SPATS2L: variants seen among roughly 807,000 people sequenced by gnomAD.
SPATS2L encodes SPATS2-like protein.
SPATS2L carries 30 observed loss-of-function variants against 59.6 expected under a neutral mutation model. That is an observed-to-expected ratio of 0.50 (90% CI 0.38 to 0.68). The LOEUF (loss-of-function observed/expected upper bound fraction) is 0.68. Among genes scored for constraint, SPATS2L ranks in the 30% least tolerant of loss-of-function variants. The pLI, the probability that SPATS2L is intolerant of heterozygous loss-of-function variation, is 0.00. For missense variants in SPATS2L, 615 were observed against 700.0 expected (o/e 0.88, Z 1.37); for synonymous variants, 252 against 263.5 (o/e 0.96, Z 0.42).
Position 200,419,288 on chromosome 2 carries a change from A to G in SPATS2L, c.237A>G (p.Gln79=). 1 of 1,595,444 alleles carries G rather than the reference A, an allele frequency of 6.3e-7. No individual in the cohort carries two copies. The highest frequency in any genetic ancestry group is 8.5e-7 in the Non-Finnish European group (1 of 1,170,332). ...AAAGAAGCAAGTCCAAGCAGCATCA[A>G]GGCAACAAAGATGCTAAAGACAAGG... ...KRKRSKSKQH[Q]GNKDAKDKVE... is the part of the protein sequence containing the mutation. The change falls in exon 6 of 13, where the codon CAA becomes CAG. Residue 79 remains glutamine (Q), a synonymous_variant. Transcript: ENST00000409140.
chr2:200,402,583 G>C (rs1230637568), intron 3 of SPATS2L, among the ~76,000 whole-genome samples: 3 of 152,114 alleles, frequency 2.0e-5, no homozygotes, highest in East Asian at 3.9e-4. Flanking sequence ...TCTAGACTAG[G>C]ACAGGTCCCC....
intron 8 of SPATS2L, among the ~76,000 whole-genome samples, chr2:200,444,628 T>C (rs1174516712): frequency 6.6e-6 from 1 of 152,096 alleles, no homozygotes; most frequent in Non-Finnish European, 1.5e-5. Context: ...GCCAGAAATG[T>C]TCCTATACTT....
chr2:200,342,551 C>T (rs1298173538), intron 2 of SPATS2L, among the ~76,000 whole-genome samples: 1 of 152,230 alleles, frequency 6.6e-6, no homozygotes, highest in Admixed American at 6.5e-5. Context: ...TATGTTCACA[C>T]AAGTCAGGTT....
At chr2:200,434,226 A>G (rs1346952000) in intron 6 of SPATS2L, among the ~76,000 whole-genome samples, 1 of 152,040 alleles carries the variant, frequency 6.6e-6, no homozygotes, top group African/African-American at 2.4e-5. Flanking sequence ...TAAAAAATTC[A>G]CTTGACAAAA....
intron 2 of SPATS2L, among the ~76,000 whole-genome samples, chr2:200,354,270 G>C (rs1367847682): frequency 6.6e-6 from 1 of 152,112 alleles, no homozygotes; most frequent in Admixed American, 6.5e-5. Context: ...TGTGATCCTA[G>C]AAGTGGAGCC....
At chr2:200,374,298 T>C (rs909284186) in intron 2 of SPATS2L, among the ~76,000 whole-genome samples, 3 of 152,208 alleles carry the variant, frequency 2.0e-5, no homozygotes, top group African/African-American at 7.2e-5. Flanking sequence ...ACTTTCGCTC[T>C]TCCTCATACC....
intron 2 of SPATS2L, among the ~76,000 whole-genome samples, chr2:200,367,358 C>T (rs769364054): frequency 7.2e-5 from 11 of 152,154 alleles, no homozygotes; most frequent in Non-Finnish European, 5.9e-5. Context: ...AGGTCAGGGC[C>T]ATGACCTCGT....
chr2:200,318,860 G>A (rs765234239), intron 1 of SPATS2L, among the ~76,000 whole-genome samples: 3 of 152,202 alleles, frequency 2.0e-5, no homozygotes, highest in Admixed American at 2.0e-4. Flanking sequence ...AACCAGCCAG[G>A]AACGAGGAGT....
At chr2:200,422,366 A>T (rs989485408) in intron 6 of SPATS2L, among the ~76,000 whole-genome samples, 2 of 151,976 alleles carry the variant, frequency 1.3e-5, no homozygotes, top group Non-Finnish European at 2.9e-5. Context: ...GCAAAACCCC[A>T]TCTCTACAAA....
chr2:200,313,795 C>T (rs1333726369), intron 1 of SPATS2L, among the ~76,000 whole-genome samples: 4 of 152,142 alleles, frequency 2.6e-5, no homozygotes. Context: ...TCCTAATGAC[C>T]ACCAGGTCCA....
At chr2:200,306,298 A>G, upstream of SPATS2L, 1 of 1,002,326 alleles carries the variant, frequency 1.0e-6, no homozygotes, top group Non-Finnish European at 1.2e-6. Context: ...CTCGGGTAGG[A>G]GAAGATGATT....
intron 4 of SPATS2L, among the ~76,000 whole-genome samples, chr2:200,413,589 G>T (rs1370733388): frequency 2.0e-5 from 3 of 152,172 alleles, no homozygotes; most frequent in Non-Finnish European, 2.9e-5. Flanking sequence ...GTCAAATAAG[G>T]TCAAGGAAGA....
At chr2:200,430,075 A>T (rs1382654263) in intron 6 of SPATS2L, among the ~76,000 whole-genome samples, 2 of 152,138 alleles carry the variant, frequency 1.3e-5, no homozygotes, top group African/African-American at 4.8e-5. Flanking sequence ...TTAACACCAC[A>T]GTTGCAATCT....
At chr2:200,405,187 C>T (rs2082652700) in intron 3 of SPATS2L, among the ~76,000 whole-genome samples, 1 of 152,126 alleles carries the variant, frequency 6.6e-6, no homozygotes, top group Non-Finnish European at 1.5e-5. Context: ...AATTCAGGAC[C>T]CACCCCAAGC....
At chr2:200,418,618 A>AATAAATAC (rs57313600) in intron 5 of SPATS2L, among the ~76,000 whole-genome samples, 1 of 149,578 alleles carries the variant, frequency 6.7e-6, no homozygotes, top group African/African-American at 2.5e-5. Context: ...TAAATAAATA[A>AATAAATAC]TCATGGGGAT....
intron 2 of SPATS2L, among the ~76,000 whole-genome samples, chr2:200,384,994 C>T (rs959165400): frequency 6.6e-6 from 1 of 152,088 alleles, no homozygotes; most frequent in Admixed American, 6.6e-5. Context: ...ATAGTTAGCC[C>T]GCAGTAATTG....
intron 3 of SPATS2L, among the ~76,000 whole-genome samples, chr2:200,409,375 A>G (rs879021854): frequency 6.6e-6 from 1 of 151,032 alleles, no homozygotes; most frequent in Non-Finnish European, 1.5e-5. Flanking sequence ...TTTTTTTTTT[A>G]GATTAAGATG....
intron 3 of SPATS2L, among the ~76,000 whole-genome samples, chr2:200,407,446 T>A (rs2082725645): frequency 6.6e-6 from 1 of 152,188 alleles, no homozygotes; most frequent in Non-Finnish European, 1.5e-5. Flanking sequence ...TACTACCTAC[T>A]TTTATTGTAG....
chr2:200,362,986 G>A (rs2081156451), intron 2 of SPATS2L, among the ~76,000 whole-genome samples: 1 of 152,030 alleles, frequency 6.6e-6, no homozygotes, highest in Admixed American at 6.6e-5. Context: ...CAATTTTCAG[G>A]CCAGATAGGT....
Sources: allele counts gnomAD v4.1 joint callset (sites outside exome capture counted in the v4.1 genomes callset), GRCh38; gene constraint gnomAD v4.1.1; transcripts MANE v1.5; gene names NCBI Gene and HGNC (gene_info 2026-07-23, HGNC 2026-07-21).